Variants in NEO1 observed in about 807,000 individuals in gnomAD.
The protein encoded by NEO1 is neogenin.
Under a neutral mutation model 159.7 loss-of-function variants are expected in NEO1, and 63 were observed. The ratio of observed to expected loss-of-function variants is 0.39; its 90% confidence interval spans 0.32 to 0.49. NEO1 has a LOEUF of 0.49. NEO1 is among the 20% of genes least tolerant of loss of function. The pLI is 0.85. For missense variants in NEO1, 1,615 were observed against 1,831.0 expected (o/e 0.88, Z 2.15); for synonymous variants, 633 against 662.0 (o/e 0.96, Z 0.67).
intron 16 of NEO1, among the ~76,000 whole-genome samples, chr15:73,267,371 G>A (rs2040957022): frequency 6.6e-6 from 1 of 152,184 alleles, no homozygotes; most frequent in Non-Finnish European, 1.5e-5. Flanking sequence ...TATTGAATAT[G>A]TTAGAGTTAT....
chr15:73,229,191 C>T (rs1038960494), intron 7 of NEO1, among the ~76,000 whole-genome samples: 2 of 152,000 alleles, frequency 1.3e-5, no homozygotes, highest in African/African-American at 4.8e-5. Flanking sequence ...TTTAATTTCT[C>T]TCTGCAATGT....
chr15:73,251,839 A>G (rs888885830), intron 11 of NEO1, among the ~76,000 whole-genome samples: 12 of 152,200 alleles, frequency 7.9e-5, no homozygotes, highest in Non-Finnish European at 1.2e-4. Context: ...AACCTCTTCT[A>G]TAGTTTTCTG....
chr15:73,122,872 A>T (rs1334185981), intron 3 of NEO1, 72 bp downstream of exon 3: 2 of 1,563,106 alleles, frequency 1.3e-6, no homozygotes, highest in Admixed American at 1.8e-5. Context: ...TAGAATTTTT[A>T]AAAATAATGA....
At chr15:73,277,522 CTG>C (rs1024358408) in intron 21 of NEO1, among the ~76,000 whole-genome samples, 4 of 152,152 alleles carry the variant, frequency 2.6e-5, no homozygotes, top group African/African-American at 9.7e-5. Flanking sequence ...AGGAGGAAGA[CTG>C]TTTTTTTCAG....
chr15:73,215,611 T>A (rs1257305041), intron 7 of NEO1, among the ~76,000 whole-genome samples: 1 of 152,258 alleles, frequency 6.6e-6, no homozygotes, highest in Non-Finnish European at 1.5e-5. Flanking sequence ...TTAAACCATC[T>A]CTGCATCCCT....
At chr15:73,242,689 A>G (rs965965085) in intron 8 of NEO1, among the ~76,000 whole-genome samples, 1 of 152,168 alleles carries the variant, frequency 6.6e-6, no homozygotes, top group African/African-American at 2.4e-5. Flanking sequence ...AAACAAAAAA[A>G]TCTTAAGAGA....
chr15:73,255,380 G>GT (rs2040289825), intron 13 of NEO1: 1 of 152,244 alleles, frequency 6.6e-6, no homozygotes, highest in African/African-American at 2.4e-5. Flanking sequence ...GGCATACCTG[G>GT]TAAAAATGGA....
chr15:73,060,300 G>A (rs12101734), intron 1 of NEO1, among the ~76,000 whole-genome samples: 20,062 of 152,066 alleles, frequency 0.13, 2,049 homozygotes, highest in African/African-American at 0.28. Flanking sequence ...GTCTCACTCT[G>A]TTGCCCAGGC....
intron 4 of NEO1, among the ~76,000 whole-genome samples, chr15:73,127,917 A>G (rs1324115738): frequency 6.6e-6 from 1 of 152,222 alleles, no homozygotes; most frequent in African/African-American, 2.4e-5. Context: ...TGGACAGGGC[A>G]GATCTAGAGT....
At chr15:73,188,989 C>A (rs1043040030) in intron 7 of NEO1, among the ~76,000 whole-genome samples, 97 of 151,986 alleles carry the variant, frequency 6.4e-4, no homozygotes, top group Non-Finnish European at 6.8e-4. Flanking sequence ...GTCCCAGGTA[C>A]TAAAGAGGCT....
intron 18 of NEO1, 99 bp downstream of exon 18, chr15:73,270,553 T>C (rs1234101731): frequency 7.6e-7 from 1 of 1,309,830 alleles, no homozygotes; most frequent in Non-Finnish European, 1.0e-6. Context: ...AGTGAGCAAC[T>C]ACATTTGGAA....
chr15:73,282,964 G>A lies in NEO1; in HGVS notation c.3263G>A (p.Gly1088Asp), dbSNP rs777905730. 6.2e-7 allele frequency: 1 copy of A among 1,613,260 alleles called. No individual in the cohort carries two copies. The highest frequency in any genetic ancestry group is 1.1e-5 in the South Asian group (1 of 90,894). ...ACATGTACCATTTCTCTCTCTGCAG[G>A]CAGTAACAGCCCTCATGGGAGCCCC... is the stretch of plus-strand genomic sequence containing the variant. ...LGSDYKPPMS[G>D]SNSPHGSPTS... The change falls in exon 23 of 29, where the codon GGC becomes GAC. Residue 1088 changes from glycine to aspartate, a missense_variant and splice_region_variant. Gly to Asp is a moderately conservative substitution (Grantham distance 94). This residue lies in a region of NEO1 where 471 missense variants were observed against 498.9 expected (regional missense o/e 0.94). Transcript: ENST00000261908.
At chr15:73,147,969 A>G (rs1370341046) in intron 5 of NEO1, among the ~76,000 whole-genome samples, 1 of 151,962 alleles carries the variant, frequency 6.6e-6, no homozygotes, top group East Asian at 1.9e-4. Flanking sequence ...ACCCGCCATC[A>G]TGCCCGGCTA....
intron 1 of NEO1, among the ~76,000 whole-genome samples, chr15:73,058,919 T>TC (rs1467755751): frequency 6.6e-6 from 1 of 152,232 alleles, no homozygotes; most frequent in Non-Finnish European, 1.5e-5. Flanking sequence ...GATGCAAAAG[T>TC]CACCTTTTTT....
chr15:73,100,167 C>T (rs528388073), intron 1 of NEO1, among the ~76,000 whole-genome samples: 132 of 152,228 alleles, frequency 8.7e-4, no homozygotes, highest in Admixed American at 2.5e-3. Context: ...TGTGCCCTAT[C>T]GCTTTGTCAT....
chr15:73,068,223 A>G (rs868752557), intron 1 of NEO1, among the ~76,000 whole-genome samples: 11 of 83,024 alleles, frequency 1.3e-4, no homozygotes, highest in Admixed American at 5.6e-4. Flanking sequence ...TTGTCCCCCT[A>G]CCCCCCCCCC....
At chr15:73,248,120 A>G (rs1021401480) in intron 9 of NEO1, among the ~76,000 whole-genome samples, 1 of 152,218 alleles carries the variant, frequency 6.6e-6, no homozygotes, top group Non-Finnish European at 1.5e-5. Context: ...TAGTGCAAAG[A>G]TTATATGAGA....
At chr15:73,227,356 T>A (rs2038645995) in intron 7 of NEO1, among the ~76,000 whole-genome samples, 1 of 151,808 alleles carries the variant, frequency 6.6e-6, no homozygotes, top group South Asian at 2.1e-4. Context: ...ATTAGCCGGG[T>A]ATGGTGGCGC....
rs374169419 is a variant in NEO1 at position 73,248,161 on chromosome 15, G to C, written c.1607-899G>C. 4.5e-4 allele frequency among the ~76,000 whole-genome samples: 69 copies of C among 152,320 alleles called. 1 individual carries two copies. The East Asian group carries it at 8.5e-3, about 19-fold the overall frequency. On this transcript the variant is annotated intron_variant, in intron 9 of 28. Coordinates refer to ENST00000261908, the MANE Select transcript of NEO1 (RefSeq NM_002499.4). Reference sequence around the variant, plus strand: ...CATGTCAAGTATTTAGTGCTTGACTGACTGTAACCATTCAATAAATGGTAG... The same window carrying C: ...CATGTCAAGTATTTAGTGCTTGACTCACTGTAACCATTCAATAAATGGTAG...
Sources: gnomAD v4.1 joint callset for allele counts (sites outside exome capture counted in the v4.1 genomes callset) on GRCh38, gnomAD v4.1.1 for gene constraint, gnomAD v4.1.1 regional missense constraint, MANE v1.5 for transcripts, NCBI Gene and HGNC (gene_info 2026-07-23, HGNC 2026-07-21) for gene names.